Variants in DBF4 observed in about 807,000 individuals in gnomAD.
DBF4 encodes protein DBF4 homolog A.
In DBF4, 25 loss-of-function variants were observed where a neutral mutation model predicts 76.6. The ratio of observed to expected loss-of-function variants is 0.33; its 90% CI spans 0.24 to 0.46. DBF4 has a LOEUF of 0.46. Among genes scored for constraint, DBF4 ranks in the 20% least tolerant of loss-of-function variants. The pLI is 1.00. For missense variants in DBF4, 638 were observed against 760.8 expected, an observed-to-expected ratio of 0.84 and a Z score of 1.90; for synonymous variants, 213 against 258.0, an observed-to-expected ratio of 0.83 and a Z score of 1.67.
Position 87,887,318 on chromosome 7 carries a change from T to C in DBF4, c.451-11T>C, listed in dbSNP as rs1402482641. On this transcript the variant is annotated splice_polypyrimidine_tract_variant and intron_variant, in intron 4 of 11. Transcript: ENST00000265728. The stretch of plus-strand genomic sequence containing the variant: ...TTTCCTAGAACAACCATAAAACTTT[T>C]TTTTTTACAGGATTTTATTCCTTCA... The C allele has an allele frequency of 1.3e-6, 2 of 1,499,464 alleles. No individual in the cohort carries two copies. The highest frequency in any genetic ancestry group is 3.5e-4 in the Middle Eastern group (2 of 5,696). The allele number at this position is 1,499,464 out of a possible 1,614,324, so 92.9% of individuals were successfully genotyped here.
At chr7:87,883,385 C>T (rs998170144) in intron 2 of DBF4, among the ~76,000 whole-genome samples, 5 of 151,784 alleles carry the variant, frequency 3.3e-5, no homozygotes, top group Admixed American at 2.0e-4. Context: ...TACTTACTGC[C>T]GTTAAATTGT....
chr7:87,883,047 AATAG>A (rs777698598), intron 2 of DBF4, among the ~76,000 whole-genome samples: 13 of 152,294 alleles, frequency 8.5e-5, no homozygotes, highest in Middle Eastern at 3.4e-3. Context: ...CCAACAAGTA[AATAG>A]ATAAAGAAGA....
intron 10 of DBF4, among the ~76,000 whole-genome samples, chr7:87,901,135 G>T (rs1839776045): frequency 6.6e-6 from 1 of 151,980 alleles, no homozygotes; most frequent in African/African-American, 2.4e-5. Context: ...GGTAGGGGTG[G>T]GATAGGGGTG....
At position 87,876,667 on chromosome 7, in the gene DBF4, G is replaced by T. The variant is rs1839047642; in HGVS notation, c.-66G>T. ...TCCTGTCAACAGGCCGGGGGAAGCCGTGCTTTCGCGGCTGCCCGGTGCGAC... is the reference window on the plus strand; with the variant it reads ...TCCTGTCAACAGGCCGGGGGAAGCCTTGCTTTCGCGGCTGCCCGGTGCGAC... On this transcript the variant is annotated 5_prime_UTR_variant, in exon 1 of 12. Coordinates refer to ENST00000265728, the MANE Select transcript of DBF4 (RefSeq NM_006716.4). 1 of 1,585,100 alleles carries T rather than the reference G, an allele frequency of 6.3e-7. No individual in the cohort carries two copies. The highest frequency in any genetic ancestry group is 8.6e-7 in the Non-Finnish European group (1 of 1,159,792).
Position 87,900,866 on chromosome 7 carries a change from A to G in DBF4, c.912A>G (p.Glu304=), listed in dbSNP as rs747376251. Residue 304 remains glutamate, a synonymous_variant, in exon 10 of 12, where the codon GAA becomes GAG. Transcript: ENST00000265728. ...GYCECCLQKY[E]DLETHLLSEQ... ...GTGAATGTTGCTTGCAGAAATATGA[A>G]GATCTAGAAACTGTAAATGTGATTT... 7 of 1,612,002 alleles carry G rather than the reference A, an allele frequency of 4.3e-6. No individual in the cohort carries two copies. Among genetic ancestry groups the G allele is most frequent in the Non-Finnish European group, 5.9e-6 (7 of 1,178,788 alleles).
chr7:87,905,762 G>A (rs1429423044), intron 11 of DBF4, among the ~76,000 whole-genome samples: 1 of 152,216 alleles, frequency 6.6e-6, no homozygotes, highest in East Asian at 1.9e-4. Flanking sequence ...TTTTACTTCA[G>A]GTAAAACAGT....
In DBF4 at chr7:87,883,813, T is replaced by C. The variant is rs962940017; in HGVS notation, c.220-1166T>C. Among the ~76,000 whole-genome samples, 5 of 152,300 alleles carry C rather than the reference T, an allele frequency of 3.3e-5. No individual in the cohort carries two copies. In the East Asian group the frequency reaches 9.6e-4, roughly 29 times the overall value. On this transcript the variant is annotated intron_variant, in intron 2 of 11. Coordinates refer to ENST00000265728, the MANE Select transcript of DBF4 (RefSeq NM_006716.4). ...CAGCTATTTAAAATATTCTGAGAAG[T>C]CTTTCATGGATGTAAATTGTTACTG...
intron 3 of DBF4, among the ~76,000 whole-genome samples, chr7:87,886,633 T>C (rs1839362183): frequency 6.6e-6 from 1 of 150,850 alleles, no homozygotes; most frequent in Non-Finnish European, 1.5e-5. Context: ...GGAACTAAAA[T>C]GTAAGCCAAT....
At position 87,878,331 on chromosome 7, in the gene DBF4, C is replaced by T. The variant is rs1839122619; in HGVS notation, c.219+106C>T. The stretch of plus-strand genomic sequence containing the variant: ...TTTTGGAAAACGCTTCTATTAGCAC[C>T]AAGCTTAACATTTTTATCAGCTGTT... On this transcript the variant is annotated intron_variant, in intron 2 of 11. Coordinates refer to ENST00000265728, the MANE Select transcript of DBF4 (RefSeq NM_006716.4). 7 of 852,582 alleles carry T rather than the reference C, an allele frequency of 8.2e-6. No homozygotes were observed. In the South Asian group the frequency reaches 1.4e-4, roughly 17 times the overall value. The allele number at this position is 852,582 out of a possible 1,614,324, so 52.8% of individuals were successfully genotyped here. A position where few individuals can be genotyped will look rare whatever the true frequency, so the allele number is the denominator to read the frequency against.
At chr7:87,897,210 T>G (rs1584366897) in intron 7 of DBF4, 84 bp from the exon 8 acceptor site, 9 of 1,344,148 alleles carry the variant, frequency 6.7e-6, no homozygotes. Context: ...GTTTGGAGGG[T>G]TTTGTTTTGC....
intron 2 of DBF4, among the ~76,000 whole-genome samples, chr7:87,879,825 T>G (rs1470712805): frequency 2.6e-5 from 4 of 152,056 alleles, no homozygotes; most frequent in Non-Finnish European, 5.9e-5. Context: ...TGGTGGTGCA[T>G]GCCTGTAGTC....
rs146551077 is a variant in DBF4, at chr7:87,906,613, TAA to T, written c.1050-572_1050-571del. Among the ~76,000 whole-genome samples the T allele has an allele frequency of 3.2e-3, 491 of 152,268 alleles. 5 individuals carry two copies. In the East Asian group the frequency reaches 0.053, roughly 16 times the overall value. Reference sequence around the variant, plus strand: ...TTTTAGGTCAAATATGTTTGAAGCTTAAAAGTTACAACTTTGTCACCTTTGAA... The same window carrying T: ...TTTTAGGTCAAATATGTTTGAAGCTTAAGTTACAACTTTGTCACCTTTGAA... On this transcript the variant is annotated intron_variant, in intron 11 of 11. Transcript: ENST00000265728.
At chr7:87,880,692 A>G (rs1315490925) in intron 2 of DBF4, among the ~76,000 whole-genome samples, 1 of 152,074 alleles carries the variant, frequency 6.6e-6, no homozygotes, top group East Asian at 1.9e-4. Flanking sequence ...CGGTGAAAAC[A>G]TCTTAATATC....
At chr7:87,889,180 A>G (rs984061736) in intron 6 of DBF4, among the ~76,000 whole-genome samples, 4 of 152,184 alleles carry the variant, frequency 2.6e-5, no homozygotes, top group African/African-American at 9.7e-5. Context: ...TAAATAGAGT[A>G]ACCTGATTGG....
At chr7:87,885,996 A>G (rs1218908437) in intron 3 of DBF4, among the ~76,000 whole-genome samples, 2 of 152,220 alleles carry the variant, frequency 1.3e-5, no homozygotes, top group Non-Finnish European at 2.9e-5. Context: ...TCCTCGACTT[A>G]CCTATTATAG....
intron 2 of DBF4, among the ~76,000 whole-genome samples, chr7:87,883,740 T>G (rs141948999): frequency 4.6e-5 from 7 of 152,220 alleles, no homozygotes; most frequent in Non-Finnish European, 8.8e-5. Context: ...TGTTACACAC[T>G]TCATTTTTAT....
In DBF4 at chr7:87,878,085, C is replaced by G; in HGVS notation, c.79C>G (p.Pro27Ala). 1 of 1,605,760 alleles carries G rather than the reference C, an allele frequency of 6.2e-7. No individual in the cohort carries two copies. The highest frequency in any genetic ancestry group is 2.2e-5 in the East Asian group (1 of 44,654). The change falls in exon 2 of 12, where the codon CCA (proline) becomes GCA (alanine). Residue 27 changes from proline (P) to alanine (A), a missense_variant. Transcript: ENST00000265728. ...GIQVKNEKNRPSLKSLKTDNR... is the reference protein window; with the variant it reads ...GIQVKNEKNRASLKSLKTDNR... ...CCAAGTCAAAAATGAAAAAAACAGA[C>G]CATCTCTGAAATCTCTGAAAACTGA...
At chr7:87,893,490 C>A (rs1311848964) in intron 6 of DBF4, among the ~76,000 whole-genome samples, 1 of 151,922 alleles carries the variant, frequency 6.6e-6, no homozygotes, top group Non-Finnish European at 1.5e-5. Context: ...CATGATCCAC[C>A]CGCCTCGGCC....
intron 10 of DBF4, among the ~76,000 whole-genome samples, chr7:87,902,672 A>G (rs1313592873): frequency 6.6e-6 from 1 of 152,190 alleles, no homozygotes; most frequent in Admixed American, 6.5e-5. Context: ...TAAAAGTTGG[A>G]AATTTTTCCT....
Sources: gnomAD v4.1 joint callset for allele counts (sites outside exome capture counted in the v4.1 genomes callset) on GRCh38, gnomAD v4.1.1 for gene constraint, MANE v1.5 for transcripts, NCBI Gene and HGNC (gene_info 2026-07-23, HGNC 2026-07-21) for gene names.